Variants in RGL1 observed in about 807,000 individuals in gnomAD.
RGL1 encodes the protein ral guanine nucleotide dissociation stimulator-like 1.
In RGL1, 24 loss-of-function variants were observed where a neutral mutation model predicts 95.2. The observed-to-expected ratio is 0.25, with a 90% CI of 0.18 to 0.35. The LOEUF (loss-of-function observed/expected upper bound fraction) is 0.35, where lower values mean the gene tolerates loss of function less well. RGL1 is among the 10% of genes least tolerant of loss of function. The pLI, the probability that RGL1 is intolerant of heterozygous loss-of-function variation, is 1.00. For missense variants in RGL1, 715 were observed against 936.3 expected (o/e 0.76, Z 3.08); for synonymous variants, 329 against 344.9 (o/e 0.95, Z 0.51).
Position 183,739,989 on chromosome 1 carries a change from TC to T in RGL1, c.-32-2135del, listed in dbSNP as rs541237342. On this transcript the variant is annotated intron_variant, in intron 1 of 18. Coordinates refer to the RGL1 transcript ENST00000304685. ...GAGATTTTGTACTTTGTCTGTTTTA[TC>T]CAGGTTTGTTTCCATAATATACGAA... 1.3e-3 allele frequency among the ~76,000 whole-genome samples: 200 copies of T among 152,248 alleles called. 1 individual carries two copies. The highest frequency in any genetic ancestry group is 2.4e-3 in the Non-Finnish European group (166 of 68,044).
intron 9 of RGL1, among the ~76,000 whole-genome samples, chr1:183,894,351 C>G (rs187262281): frequency 3.3e-5 from 5 of 152,150 alleles, no homozygotes; most frequent in Admixed American, 3.3e-4. Flanking sequence ...GAAGTTACCC[C>G]CCGTACTCTA....
At chr1:183,827,033 G>A (rs115470542) in intron 2 of RGL1, among the ~76,000 whole-genome samples, 6 of 151,900 alleles carry the variant, frequency 3.9e-5, no homozygotes, top group Admixed American at 1.3e-4. Context: ...AGCAATTCTC[G>A]TGCCTTAGCC....
At chr1:183,662,989 T>C (rs900164673) in intron 1 of RGL1, among the ~76,000 whole-genome samples, 1 of 152,052 alleles carries the variant, frequency 6.6e-6, no homozygotes, top group Non-Finnish European at 1.5e-5. Flanking sequence ...TAAATGGTGC[T>C]GGGAAAACTG....
At chr1:183,873,689 A>G (rs1328072813) in intron 4 of RGL1, among the ~76,000 whole-genome samples, 1 of 152,206 alleles carries the variant, frequency 6.6e-6, no homozygotes, top group Non-Finnish European at 1.5e-5. Context: ...TTAGATTGTT[A>G]TTATTCTGAG....
upstream of RGL1, among the ~76,000 whole-genome samples, chr1:183,802,285 C>T (rs572166161): frequency 6.6e-6 from 1 of 152,202 alleles, no homozygotes; most frequent in African/African-American, 2.4e-5. Flanking sequence ...TGTTCTGTTC[C>T]ATTGATCTGT....
intron 1 of RGL1, chr1:183,648,356 C>T: frequency 6.2e-7 from 1 of 1,614,188 alleles, no homozygotes; most frequent in South Asian, 1.1e-5. Context: ...GATACGTAAT[C>T]AGGAAATTAT....
chr1:183,768,026 A>G (rs1320649957), intron 2 of RGL1, among the ~76,000 whole-genome samples: 1 of 152,168 alleles, frequency 6.6e-6, no homozygotes, highest in Non-Finnish European at 1.5e-5. Flanking sequence ...CAAGACTAAG[A>G]GCTTTAACTA....
chr1:183,758,871 T>A (rs1658504928), intron 2 of RGL1, among the ~76,000 whole-genome samples: 1 of 152,190 alleles, frequency 6.6e-6, no homozygotes, highest in Admixed American at 6.5e-5. Flanking sequence ...CCTATTTAAA[T>A]AGAACTTAGA....
chr1:183,916,108 T>G (rs955142015), intron 15 of RGL1, among the ~76,000 whole-genome samples: 3 of 152,234 alleles, frequency 2.0e-5, no homozygotes, highest in Non-Finnish European at 2.9e-5. Context: ...CCCCGTAAGC[T>G]TCTGACTTCT....
chr1:183,660,934 GAACAA>G (rs1166513276), intron 1 of RGL1, among the ~76,000 whole-genome samples: 2 of 152,122 alleles, frequency 1.3e-5, no homozygotes, highest in Non-Finnish European at 2.9e-5. Context: ...CATGGAAACC[GAACAA>G]CCTGCTCTTG....
chr1:183,649,882 GCTCACTGTGGC>G (rs1650591080), intron 1 of RGL1, among the ~76,000 whole-genome samples: 1 of 152,128 alleles, frequency 6.6e-6, no homozygotes, highest in South Asian at 2.1e-4. Context: ...GATGATCATG[GCTCACTGTGGC>G]CCCAACCTTC....
intron 2 of RGL1, among the ~76,000 whole-genome samples, chr1:183,846,910 T>TGG (rs1664482627): frequency 6.6e-6 from 1 of 151,964 alleles, no homozygotes; most frequent in African/African-American, 2.4e-5. Flanking sequence ...AAACTTTCCA[T>TGG]GGAACAAAAC....
intron 1 of RGL1, among the ~76,000 whole-genome samples, chr1:183,655,253 G>T (rs1651067666): frequency 6.6e-6 from 1 of 152,210 alleles, no homozygotes; most frequent in Admixed American, 6.5e-5. Context: ...TGACAACCCA[G>T]TTTGGGGTAT....
chr1:183,896,737 G>A (rs888587168), intron 9 of RGL1, among the ~76,000 whole-genome samples: 6 of 152,104 alleles, frequency 3.9e-5, no homozygotes, highest in African/African-American at 7.2e-5. Context: ...CCCCAAAACC[G>A]CAAAAGCACT....
chr1:183,727,143 A>G (rs1393052172), intron 1 of RGL1, among the ~76,000 whole-genome samples: 1 of 152,186 alleles, frequency 6.6e-6, no homozygotes, highest in Non-Finnish European at 1.5e-5. Flanking sequence ...TGAAATATAT[A>G]AAAAACGTAA....
intron 2 of RGL1, among the ~76,000 whole-genome samples, chr1:183,769,561 C>T (rs558506188): frequency 2.0e-5 from 3 of 152,316 alleles, no homozygotes; most frequent in African/African-American, 4.8e-5. Flanking sequence ...CAACATATAA[C>T]ATAATAAATG....
intron 1 of RGL1, among the ~76,000 whole-genome samples, chr1:183,720,505 G>C (rs971582469): frequency 4.6e-5 from 7 of 152,232 alleles, no homozygotes; most frequent in Non-Finnish European, 1.0e-4. Context: ...AATGTGCAAA[G>C]ACCTGCATCC....
At chr1:183,867,446 G>A (rs1187285170) in intron 4 of RGL1, among the ~76,000 whole-genome samples, 1 of 152,158 alleles carries the variant, frequency 6.6e-6, no homozygotes, top group Non-Finnish European at 1.5e-5. Flanking sequence ...TCGAGTGTGA[G>A]GGTCTGAAAA....
In RGL1 at chr1:183,671,427, T is replaced by C. The variant is rs145323036; in HGVS notation, c.-33+34926T>C. On this transcript the variant is annotated intron_variant, in intron 1 of 18. Coordinates refer to the RGL1 transcript ENST00000304685. ...ACTGCCAAACTGTTTTCCACAGTGA[T>C]TTACCATTGTACATTCCCACTAGCA... 1.5e-3 allele frequency among the ~76,000 whole-genome samples: 233 copies of C among 152,352 alleles called. 2 individuals are homozygous for C. Among genetic ancestry groups the C allele is most frequent in the African/African-American group, 5.3e-3 (219 of 41,588 alleles).
Sources: gnomAD v4.1 joint callset for allele counts (sites outside exome capture counted in the v4.1 genomes callset) on GRCh38, gnomAD v4.1.1 for gene constraint, MANE v1.5 for transcripts, NCBI Gene and HGNC (gene_info 2026-07-23, HGNC 2026-07-21) for gene names.